Variants in LMCD1 observed in about 807,000 individuals in gnomAD.
LMCD1 encodes the protein LIM and cysteine-rich domains protein 1.
Under a neutral mutation model 42.7 loss-of-function variants are expected in LMCD1, and 32 were observed. The ratio of observed to expected loss-of-function variants is 0.75; its 90% confidence interval spans 0.57 to 1.01. The LOEUF (loss-of-function observed/expected upper bound fraction) is 1.01. Among genes scored for constraint, LMCD1 ranks in the 50% least tolerant of loss-of-function variants. The pLI, the probability that LMCD1 is intolerant of heterozygous loss-of-function variation, is 0.00. For missense variants in LMCD1, 458 were observed against 483.1 expected (o/e 0.95, Z 0.49); for synonymous variants, 178 against 184.9 (o/e 0.96, Z 0.30).
At chr3:8,529,777 C>G (rs896375521) in intron 1 of LMCD1, among the ~76,000 whole-genome samples, 3 of 152,088 alleles carry the variant, frequency 2.0e-5, no homozygotes, top group Non-Finnish European at 4.4e-5. Flanking sequence ...CATTTTGAAG[C>G]TAGAAAAAAA....
intron 1 of LMCD1, among the ~76,000 whole-genome samples, chr3:8,509,693 T>C (rs1693957148): frequency 6.6e-6 from 1 of 152,134 alleles, no homozygotes; most frequent in African/African-American, 2.4e-5. Flanking sequence ...CACACACACA[T>C]ACCTCTCCTT....
At chr3:8,540,877 T>C (rs886561209) in intron 3 of LMCD1, among the ~76,000 whole-genome samples, 3 of 152,196 alleles carry the variant, frequency 2.0e-5, no homozygotes, top group African/African-American at 7.2e-5. Flanking sequence ...CACTTACTCA[T>C]ACCTCGCCCT....
intron 3 of LMCD1, among the ~76,000 whole-genome samples, chr3:8,548,106 T>C (rs1356325143): frequency 6.6e-6 from 1 of 152,188 alleles, no homozygotes; most frequent in Admixed American, 6.5e-5. Context: ...TATGATAATC[T>C]TATGGGACCA....
At position 8,567,765 on chromosome 3, in the gene LMCD1, G is replaced by A. The variant is rs1695153745; in HGVS notation, c.*167G>A. ...GAGATATATATAGATATATATTCTA[G>A]GTTGGGTGGTGGTAGATCCTTGAGG... On this transcript the variant is annotated 3_prime_UTR_variant, in exon 6 of 6. Transcript: ENST00000157600. The A allele has an allele frequency of 1.9e-6, 1 of 540,120 alleles. No individual in the cohort carries two copies. Among genetic ancestry groups the A allele is most frequent in the African/African-American group, 2.0e-5 (1 of 51,260 alleles). The allele number at this position is 540,120 out of a possible 1,614,324, so 33.5% of individuals were successfully genotyped here.
chr3:8,535,282 A>G (rs1361057941), intron 2 of LMCD1, among the ~76,000 whole-genome samples: 1 of 152,242 alleles, frequency 6.6e-6, no homozygotes, highest in Non-Finnish European at 1.5e-5. Context: ...TTGTGAATAA[A>G]ATGCAAAACA....
Position 8,565,565 on chromosome 3 carries a change from T to C in LMCD1, c.857T>C (p.Ile286Thr). 1 of 1,614,076 alleles carries C rather than the reference T, an allele frequency of 6.2e-7. No homozygotes were observed. The highest frequency in any genetic ancestry group is 8.5e-7 in the Non-Finnish European group (1 of 1,180,000). Residue 286 changes from isoleucine to threonine, a missense_variant, in exon 5 of 6, where the codon ATC becomes ACC. Ile to Thr is a moderately conservative substitution (Grantham distance 89, BLOSUM62 -1). Coordinates refer to ENST00000157600, the MANE Select transcript of LMCD1 (RefSeq NM_014583.4). Reference protein sequence around the residue: ...AKCSEPLVDLIYFWKDGAPWC... With the variant: ...AKCSEPLVDLTYFWKDGAPWC... ...TGCTCCGAGCCGCTGGTGGACCTCA[T>C]CTACTTCTGGAAGGATGGTGCACCC... is the stretch of plus-strand genomic sequence containing the variant.
chr3:8,511,844 A>G (rs925667590), intron 1 of LMCD1, among the ~76,000 whole-genome samples: 2 of 152,200 alleles, frequency 1.3e-5, no homozygotes, highest in African/African-American at 2.4e-5. Context: ...CAGGCTGCAC[A>G]TAGAAAACTT....
rs1695167516 is a variant in LMCD1, at chr3:8,568,646, G to A, written c.*1048G>A. 1 of 152,154 alleles carries A rather than the reference G, an allele frequency of 6.6e-6. No individual in the cohort carries two copies. The highest frequency in any genetic ancestry group is 2.4e-5 in the African/African-American group (1 of 41,432). The allele number at this position is 152,154 out of a possible 1,614,324, so 9.4% of individuals were successfully genotyped here. A position where few individuals can be genotyped will look rare whatever the true frequency, so the allele number is the denominator to read the frequency against. The stretch of plus-strand genomic sequence containing the variant: ...TTTATGAGAAATCTCAATTTTTAAT[G>A]TTGCCAACTAAACATTGAATGAGTC... On this transcript the variant is annotated 3_prime_UTR_variant, in exon 6 of 6. Transcript: ENST00000157600.
chr3:8,567,296 A>G (rs1695145616), intron 5 of LMCD1, 144 bp from the exon 6 acceptor site: 2 of 782,544 alleles, frequency 2.6e-6, no homozygotes, highest in Non-Finnish European at 4.0e-6. Flanking sequence ...CCTCAAATTT[A>G]TGCCAGATTT....
intron 1 of LMCD1, among the ~76,000 whole-genome samples, chr3:8,530,687 G>A (rs931517): frequency 0.48 from 73,591 of 152,030 alleles, 18,497 homozygotes; most frequent in Non-Finnish European, 0.53. Context: ...TAAACTTTGA[G>A]TGACTCCAAT....
In LMCD1 at chr3:8,504,255, T is replaced by G. The variant is rs118172361; in HGVS notation, c.42+2275T>G. On this transcript the variant is annotated intron_variant, in intron 1 of 5. Transcript: ENST00000157600. ...CTGAACTGAATGTCACAGAAGTGAT[T>G]AAGTACTACGTGATATCAGCAACAC... is the stretch of plus-strand genomic sequence containing the variant. Among the ~76,000 whole-genome samples the G allele has an allele frequency of 6.0e-4, 92 of 152,328 alleles. 2 individuals are homozygous for G. The East Asian group carries it at 0.015, about 25-fold the overall frequency.
At chr3:8,523,264 T>G (rs1694238333) in intron 1 of LMCD1, among the ~76,000 whole-genome samples, 1 of 152,224 alleles carries the variant, frequency 6.6e-6, no homozygotes, top group East Asian at 1.9e-4. Flanking sequence ...TTCTTCACAT[T>G]TGTGCTTGTC....
intron 4 of LMCD1, among the ~76,000 whole-genome samples, chr3:8,555,073 C>T (rs17049248): frequency 0.032 from 4,809 of 152,118 alleles, 290 homozygotes; most frequent in African/African-American, 0.11. Context: ...CATAAAAACG[C>T]GTGAATATGG....
intron 2 of LMCD1, among the ~76,000 whole-genome samples, chr3:8,533,030 TGAA>T (rs1482605946): frequency 1.3e-5 from 2 of 151,966 alleles, no homozygotes; most frequent in African/African-American, 4.8e-5. Flanking sequence ...AGTAAAGATG[TGAA>T]GAAGGAGTTT....
chr3:8,515,323 C>T (rs565326966), intron 1 of LMCD1, among the ~76,000 whole-genome samples: 42 of 152,280 alleles, frequency 2.8e-4, no homozygotes, highest in Non-Finnish European at 5.0e-4. Flanking sequence ...TCCTTGTGGG[C>T]GTGCTGAGAG....
intron 4 of LMCD1, among the ~76,000 whole-genome samples, chr3:8,563,510 G>A (rs1419541388): frequency 6.6e-6 from 1 of 152,240 alleles, no homozygotes; most frequent in Admixed American, 6.5e-5. Context: ...TCTGCCCTCT[G>A]CAGCTAGCCG....
chr3:8,548,531 C>A, intron 3 of LMCD1, 37 bp from the exon 4 acceptor site: 1 of 1,453,642 alleles, frequency 6.9e-7, no homozygotes, highest in Non-Finnish European at 9.4e-7. Context: ...GAAGCCCCAT[C>A]CACATCATGT....
At chr3:8,559,588 C>A (rs1183185821) in intron 4 of LMCD1, among the ~76,000 whole-genome samples, 2 of 152,192 alleles carry the variant, frequency 1.3e-5, no homozygotes, top group Non-Finnish European at 2.9e-5. Context: ...AAATTGCAAA[C>A]CTCGCTACAA....
chr3:8,550,442 C>G (rs1694820990), intron 4 of LMCD1: 1 of 986,018 alleles, frequency 1.0e-6, no homozygotes, highest in Non-Finnish European at 1.2e-6. Context: ...AAGCTGCTGC[C>G]ACATCCAGAG....
Sources: allele counts gnomAD v4.1 joint callset (sites outside exome capture counted in the v4.1 genomes callset), GRCh38; gene constraint gnomAD v4.1.1; transcripts MANE v1.5; gene names NCBI Gene and HGNC (gene_info 2026-07-23, HGNC 2026-07-21).